The following UNC45A variants were observed in gnomAD, a reference collection of about 807,000 sequenced individuals.
The protein encoded by UNC45A is unc-45 myosin chaperone A, also known as protein unc-45 homolog A.
UNC45A carries 78 observed loss-of-function variants against 103.2 expected under a neutral mutation model. That is an observed-to-expected ratio of 0.76 (90% confidence interval 0.63 to 0.91). The LOEUF is 0.91. UNC45A is among the 40% of genes least tolerant of loss of function. UNC45A has a pLI of 0.00. For missense variants in UNC45A, 1,193 were observed against 1,224.8 expected (o/e 0.97, Z 0.39); for synonymous variants, 495 against 504.6 (o/e 0.98, Z 0.25).
At chr15:90,935,726 T>C (rs1202277000) in intron 2 of UNC45A, 21 bp downstream of exon 2, 2 of 1,537,424 alleles carry the variant, frequency 1.3e-6, no homozygotes, top group African/African-American at 1.4e-5. Context: ...CTGGCGCTCT[T>C]CCCCTCGCCC....
intron 3 of UNC45A, 110 bp from the exon 4 acceptor site, chr15:90,936,175 A>G: frequency 6.6e-7 from 1 of 1,524,636 alleles, no homozygotes; most frequent in South Asian, 1.3e-5. Context: ...ACCGAGCCCC[A>G]CATTCGTCCC....
In UNC45A at chr15:90,949,991, T is replaced by TAATGAAAAC. The variant is rs1596239977; in HGVS notation, c.2074-162_2074-161insATGAAAACA. ...CTCAGCACAATCCATGTCCAGCCCT[T>TAATGAAAAC]ATTAGGTGTTTCAGGAAGTGTTTGG... is the stretch of plus-strand genomic sequence containing the variant. On this transcript the variant is annotated intron_variant, in intron 15 of 19. Transcript: ENST00000418476. 1.3e-5 allele frequency: 9 copies of TAATGAAAAC among 697,060 alleles called. No homozygotes were observed. The East Asian group carries it at 2.4e-4, about 19-fold the overall frequency. The allele number at this position is 697,060 out of a possible 1,614,324, so 43.2% of individuals were successfully genotyped here.
chr15:90,952,653 G>C, intron 17 of UNC45A: 1 of 408,518 alleles, frequency 2.4e-6, no homozygotes, highest in South Asian at 3.0e-5. Context: ...TCGAACTCTT[G>C]ACCTCAAGTC....
upstream of UNC45A, chr15:90,931,942 C>T (rs138320574): frequency 4.3e-6 from 7 of 1,613,644 alleles, no homozygotes; most frequent in African/African-American, 5.3e-5. Flanking sequence ...GGAGCAGGGC[C>T]GCCTGGGGAC....
At chr15:90,931,006 T>G (rs1052532), upstream of UNC45A, 1 of 432,260 alleles carries the variant, frequency 2.3e-6, no homozygotes, top group Non-Finnish European at 4.2e-6. Flanking sequence ...GGGCCAGAGA[T>G]CCCACCATGC....
chr15:90,932,195 C>A (rs2035823727), upstream of UNC45A: 1 of 1,393,738 alleles, frequency 7.2e-7, no homozygotes, highest in South Asian at 1.4e-5. Flanking sequence ...CAGATGTGGC[C>A]CCTTGTGGAC....
At chr15:90,949,289 C>T in intron 13 of UNC45A, 27 bp from the exon 14 acceptor site, 1 of 1,606,100 alleles carries the variant, frequency 6.2e-7, no homozygotes, top group Non-Finnish European at 8.5e-7. Flanking sequence ...AGCCTAGGCC[C>T]CTCTCCTAAG....
chr15:90,948,690 G>C lies in UNC45A; in HGVS notation c.1774G>C (p.Ala592Pro), dbSNP rs753146499. 1 of 1,613,970 alleles carries C rather than the reference G, an allele frequency of 6.2e-7. No homozygotes were observed. Among genetic ancestry groups the C allele is most frequent in the East Asian group, 2.2e-5 (1 of 44,890 alleles). ...GTCAGTGCTCTTTGCGGTGGCCTCA[G>C]CGCTGGTGAACTGCACCAACAGCTA... ...ERSVLFAVAS[A>P]LVNCTNSYDY... Residue 592 changes from alanine to proline, a missense_variant, in exon 13 of 20, where the codon GCG becomes CCG. Transcript: ENST00000418476.
upstream of UNC45A, chr15:90,932,558 C>A (rs775511098): frequency 6.3e-5 from 78 of 1,236,704 alleles, no homozygotes; most frequent in Non-Finnish European, 7.5e-5. Flanking sequence ...ATGGGGCCGA[C>A]GACTGCGGCC....
Position 90,942,944 on chromosome 15 carries a change from A to G in UNC45A, c.889A>G (p.Asn297Asp), listed in dbSNP as rs2036368358. Residue 297 changes from asparagine to aspartate, a missense_variant, in exon 8 of 20, where the codon AAC (asparagine) becomes GAC (aspartate). Asn to Asp is a conservative substitution (Grantham distance 23). Transcript: ENST00000418476. ...CCGGGAGCTGAAGGTCCTCATCAGT[A>G]ACCTCTTAGATCTGCTGACAGAGGT... ...PARELKVLIS[N>D]LLDLLTEVGV... 1.2e-6 allele frequency: 2 copies of G among 1,613,108 alleles called. No individual in the cohort carries two copies. The highest frequency in any genetic ancestry group is 2.7e-5 in the African/African-American group (2 of 75,024).
At chr15:90,947,247 C>A in intron 10 of UNC45A, 1 of 318,720 alleles carries the variant, frequency 3.1e-6, no homozygotes, top group South Asian at 3.9e-5. Context: ...ATCGGCATGG[C>A]TCCTCCCTCC....
At chr15:90,933,762 T>A, upstream of UNC45A, 1 of 325,628 alleles carries the variant, frequency 3.1e-6, no homozygotes, top group Non-Finnish European at 5.5e-6. Flanking sequence ...TACTAATGGC[T>A]CAGCTGCTCT....
At chr15:90,933,751 A>G (rs2035886255), upstream of UNC45A, 2 of 297,742 alleles carry the variant, frequency 6.7e-6, no homozygotes, top group Non-Finnish European at 1.2e-5. Flanking sequence ...TTTGTTCTTC[A>G]TACTAATGGC....
chr15:90,948,626 C>T (rs200850273), intron 12 of UNC45A, 28 bp from the exon 13 acceptor site: 1 of 1,610,622 alleles, frequency 6.2e-7, no homozygotes, highest in African/African-American at 1.3e-5. Flanking sequence ...CCCGGGATGC[C>T]CATGTGAATT....
chr15:90,931,890 C>A, upstream of UNC45A: 3 of 1,614,092 alleles, frequency 1.9e-6, no homozygotes, highest in Non-Finnish European at 2.5e-6. Context: ...AAGTGTAGCT[C>A]CACCTCATCC....
chr15:90,943,426 CAAAAAA>C (rs71154147), intron 8 of UNC45A, among the ~76,000 whole-genome samples: 6 of 74,564 alleles, frequency 8.0e-5, no homozygotes, highest in Non-Finnish European at 1.5e-4. Context: ...GAGACTGTCT[CAAAAAA>C]AAAAAAAAAA....
intron 12 of UNC45A, 61 bp downstream of exon 12, chr15:90,948,344 C>CT (rs1478355347): frequency 7.5e-6 from 12 of 1,597,058 alleles, no homozygotes; most frequent in Non-Finnish European, 1.0e-5. Context: ...CCTTACCAGG[C>CT]TTTCTCGGCA....
chr15:90,935,213 AC>A, upstream of UNC45A: 1 of 1,120,690 alleles, frequency 8.9e-7, no homozygotes, highest in Non-Finnish European at 1.3e-6. Flanking sequence ...CCCCTCTCTG[AC>A]CCCACCTCCG....
chr15:90,933,458 G>A (rs1447291401), upstream of UNC45A: 1 of 152,206 alleles, frequency 6.6e-6, no homozygotes, highest in East Asian at 1.9e-4. Context: ...CTGTGAGAGG[G>A]GGTTCCCTAT....
Sources: gnomAD v4.1 joint callset for allele counts (sites outside exome capture counted in the v4.1 genomes callset) on GRCh38, gnomAD v4.1.1 for gene constraint, MANE v1.5 for transcripts, NCBI Gene and HGNC (gene_info 2026-07-23, HGNC 2026-07-21) for gene names.